Variants in LNPEP observed in about 807,000 individuals in gnomAD.
The protein encoded by LNPEP is leucyl-cystinyl aminopeptidase.
LNPEP carries 64 observed loss-of-function variants against 120.6 expected under a neutral mutation model. The ratio of observed to expected loss-of-function variants is 0.53; its 90% CI spans 0.43 to 0.65. The LOEUF is 0.65. Among genes scored for constraint, LNPEP ranks in the 30% least tolerant of loss-of-function variants. LNPEP has a pLI of 0.00. For synonymous variants in LNPEP, 435 were observed against 425.4 expected (o/e 1.02, Z -0.28); for missense variants, 1,057 against 1,200.0 (o/e 0.88, Z 1.76).
rs1455922121 is a variant in LNPEP at position 97,024,512 on chromosome 5, C to A, written c.2562-9C>A. ...TTGTTATTCTCATGTTTGACCACCT[C>A]TCTTACAGCCTACCTACTGATGTCA... On this transcript the variant is annotated splice_polypyrimidine_tract_variant and intron_variant, in intron 14 of 17. Transcript: ENST00000231368. 1 of 1,612,368 alleles carries A rather than the reference C, an allele frequency of 6.2e-7. No homozygotes were observed. Among genetic ancestry groups the A allele is most frequent in the Admixed American group, 1.7e-5 (1 of 59,830 alleles).
At chr5:97,017,704 TATC>T (rs1201634430) in intron 13 of LNPEP, among the ~76,000 whole-genome samples, 2 of 152,164 alleles carry the variant, frequency 1.3e-5, no homozygotes, top group African/African-American at 4.8e-5. Flanking sequence ...ATTAGTATGA[TATC>T]AACACCATTT....
chr5:97,003,055 T>C (rs1790690955), intron 8 of LNPEP, among the ~76,000 whole-genome samples: 1 of 152,020 alleles, frequency 6.6e-6, no homozygotes, highest in African/African-American at 2.4e-5. Context: ...GGGATGGAGG[T>C]GTAGGTGCCA....
intron 1 of LNPEP, among the ~76,000 whole-genome samples, chr5:96,950,565 A>C (rs2112566374): frequency 6.6e-6 from 1 of 152,322 alleles, no homozygotes; most frequent in Middle Eastern, 3.4e-3. Context: ...GAAAGGCAGG[A>C]CTCTCTATTA....
At chr5:96,956,755 A>T (rs1789478304) in intron 1 of LNPEP, among the ~76,000 whole-genome samples, 1 of 151,568 alleles carries the variant, frequency 6.6e-6, no homozygotes, top group Non-Finnish European at 1.5e-5. Context: ...TCATTCTGGG[A>T]CTCCGACTGC....
chr5:96,957,467 A>T (rs745417976), intron 1 of LNPEP, among the ~76,000 whole-genome samples: 2 of 152,174 alleles, frequency 1.3e-5, no homozygotes, highest in Non-Finnish European at 2.9e-5. Context: ...TGCGGTTGCT[A>T]ATCAGCTGAC....
At chr5:97,017,436 C>G (rs976994910) in intron 13 of LNPEP, among the ~76,000 whole-genome samples, 17 of 151,732 alleles carry the variant, frequency 1.1e-4, no homozygotes, top group African/African-American at 4.1e-4. Context: ...TTTTTTTACT[C>G]TCTTAATGAT....
intron 4 of LNPEP, among the ~76,000 whole-genome samples, chr5:96,992,011 C>T (rs1210788161): frequency 7.2e-6 from 1 of 139,832 alleles, no homozygotes; most frequent in Non-Finnish European, 1.6e-5. Context: ...GTATAGAGGG[C>T]TTTTTAAAAT....
intron 1 of LNPEP, among the ~76,000 whole-genome samples, chr5:96,975,364 T>C (rs1316542471): frequency 2.6e-5 from 4 of 152,160 alleles, no homozygotes; most frequent in African/African-American, 9.7e-5. Flanking sequence ...GTTATACAAG[T>C]TGGAATGTAA....
In LNPEP at chr5:97,027,715, G is replaced by A. The variant is rs775912251; in HGVS notation, c.2865-18G>A. 11 of 1,526,146 alleles carry A rather than the reference G, an allele frequency of 7.2e-6. No individual in the cohort carries two copies. The highest frequency in any genetic ancestry group is 1.0e-5 in the Non-Finnish European group (11 of 1,101,612). The allele number at this position is 1,526,146 out of a possible 1,614,324, so 94.5% of individuals were successfully genotyped here. On this transcript the variant is annotated intron_variant, in intron 16 of 17. Coordinates refer to ENST00000231368, the MANE Select transcript of LNPEP (RefSeq NM_005575.3). Reference sequence around the variant, plus strand: ...GCAGCTGCCTAATCTTTTTGCTCTTGTTTTTGTGTTTCTTCAGGTTCCCTC... The same window carrying A: ...GCAGCTGCCTAATCTTTTTGCTCTTATTTTTGTGTTTCTTCAGGTTCCCTC...
intron 13 of LNPEP, among the ~76,000 whole-genome samples, chr5:97,015,985 C>G (rs1366926248): frequency 6.6e-6 from 1 of 152,048 alleles, no homozygotes; most frequent in Non-Finnish European, 1.5e-5. Flanking sequence ...CTTTCTGCCT[C>G]TGTTACTGCC....
In LNPEP at chr5:96,993,869, G is replaced by C; in HGVS notation, c.1305G>C (p.Leu435Phe). The stretch of plus-strand genomic sequence containing the variant: ...CAGGAGCAATGGAAAATTGGGGTTT[G>C]CTCACCTTCCGAGAGGAGACACTTC... ...FEAGAMENWG[L>F]LTFREETLLY... Residue 435 changes from leucine (L) to phenylalanine (F), a missense_variant, in exon 6 of 18, where the codon TTG becomes TTC. Physicochemically the swap from Leu to Phe is conservative, Grantham distance 22. Transcript: ENST00000231368. The C allele has an allele frequency of 6.2e-7, 1 of 1,613,874 alleles. No homozygotes were observed. The highest frequency in any genetic ancestry group is 8.5e-7 in the Non-Finnish European group (1 of 1,179,832).
At chr5:96,936,211 C>A in intron 1 of LNPEP, 37 bp downstream of exon 1, 1 of 1,416,194 alleles carries the variant, frequency 7.1e-7, no homozygotes, top group Non-Finnish European at 9.2e-7. Context: ...CCCGGGCTCT[C>A]CGGAGCCCTG....
intron 8 of LNPEP, among the ~76,000 whole-genome samples, chr5:97,002,828 A>G (rs570850513): frequency 1.3e-5 from 2 of 152,228 alleles, no homozygotes; most frequent in Non-Finnish European, 2.9e-5. Context: ...ATCAATGGAT[A>G]TAGTGTGGCC....
chr5:96,978,384 A>G (rs1349995350), intron 1 of LNPEP, among the ~76,000 whole-genome samples: 2 of 152,098 alleles, frequency 1.3e-5, no homozygotes, highest in Non-Finnish European at 2.9e-5. Context: ...AAAGCCATGG[A>G]AGCATGAAAA....
intron 1 of LNPEP, among the ~76,000 whole-genome samples, chr5:96,952,501 T>C (rs1043519903): frequency 9.2e-5 from 14 of 152,160 alleles, no homozygotes; most frequent in African/African-American, 3.4e-4. Context: ...CCACAGAAGG[T>C]AGAAAGTGGA....
chr5:97,032,781 G>A lies in LNPEP; in HGVS notation c.*4248G>A, dbSNP rs1316034838. On this transcript the variant is annotated 3_prime_UTR_variant, in exon 18 of 18. Coordinates refer to ENST00000231368, the MANE Select transcript of LNPEP (RefSeq NM_005575.3). ...GTAGATAAAACGCGGTGGTCCAAAA[G>A]CATGACAGATGTCCCCTTTGCGTTT... The A allele has an allele frequency of 6.8e-6, 1 of 146,810 alleles. No homozygotes were observed. Among genetic ancestry groups the A allele is most frequent in the Admixed American group, 6.7e-5 (1 of 14,866 alleles). The allele number at this position is 146,810 out of a possible 1,614,324, so 9.1% of individuals were successfully genotyped here. A position where few individuals can be genotyped will look rare whatever the true frequency, so the allele number is the denominator to read the frequency against.
At chr5:96,963,354 G>T (rs7718995) in intron 1 of LNPEP, among the ~76,000 whole-genome samples, 148 of 152,260 alleles carry the variant, frequency 9.7e-4, no homozygotes, top group African/African-American at 3.5e-3. Flanking sequence ...CAACAGTTTG[G>T]ATTATATTCT....
At chr5:96,997,871 A>G in intron 7 of LNPEP, 143 bp from the exon 8 acceptor site, 1 of 502,232 alleles carries the variant, frequency 2.0e-6, no homozygotes, top group Non-Finnish European at 3.4e-6. Context: ...CATTTTTGAA[A>G]GCTTATATCC....
In LNPEP at chr5:97,026,623, G is replaced by A; in HGVS notation, c.2730G>A (p.Met910Ile). 1 of 1,612,474 alleles carries A rather than the reference G, an allele frequency of 6.2e-7. No individual in the cohort carries two copies. Among genetic ancestry groups the A allele is most frequent in the African/African-American group, 1.3e-5 (1 of 75,020 alleles). The change falls in exon 16 of 18, where the codon ATG (methionine) becomes ATA (isoleucine). Residue 910 changes from methionine to isoleucine, a missense_variant. Met to Ile is a conservative substitution (Grantham distance 10, BLOSUM62 1). Transcript: ENST00000231368. ...AATCTGCTTTGCTCTTCAGGTTAAT[G>A]AAAAGTAGCCTGAATGGAGATAACT... ...SEDVRKLYWL[M>I]KSSLNGDNFR...
Sources: gnomAD v4.1 joint callset for allele counts (sites outside exome capture counted in the v4.1 genomes callset) on GRCh38, gnomAD v4.1.1 for gene constraint, MANE v1.5 for transcripts, NCBI Gene and HGNC (gene_info 2026-07-23, HGNC 2026-07-21) for gene names.